The following PLCE1 variants were observed in gnomAD, a reference collection of about 807,000 sequenced individuals.
PLCE1 encodes 1-phosphatidylinositol 4,5-bisphosphate phosphodiesterase epsilon-1.
PLCE1 carries 119 observed loss-of-function variants against 242.8 expected under a neutral mutation model. The observed-to-expected ratio is 0.49, with a 90% CI of 0.42 to 0.57. The LOEUF is 0.57. Ranked by LOEUF, PLCE1 falls within the 20% of genes least tolerant of loss-of-function variation. The pLI is 0.00. For synonymous variants in PLCE1, 945 were observed against 1,017.4 expected (o/e 0.93, Z 1.35); for missense variants, 2,441 against 2,788.8 (o/e 0.88, Z 2.81).
At chr10:94,144,424 C>G (rs775989136) in intron 3 of PLCE1, among the ~76,000 whole-genome samples, 6 of 152,058 alleles carry the variant, frequency 3.9e-5, no homozygotes, top group Non-Finnish European at 5.9e-5. Context: ...GCCCCCTTGC[C>G]CTAGAGACCT....
intron 2 of PLCE1, among the ~76,000 whole-genome samples, chr10:94,075,725 T>C (rs2044480324): frequency 6.6e-6 from 1 of 152,180 alleles, no homozygotes; most frequent in Non-Finnish European, 1.5e-5. Context: ...TCTTCCTGAG[T>C]GAACTGGGAA....
chr10:94,158,854 CTT>C (rs35760715), intron 3 of PLCE1, among the ~76,000 whole-genome samples: 24 of 111,572 alleles, frequency 2.2e-4, no homozygotes, highest in Non-Finnish European at 3.2e-4. Flanking sequence ...TCTTCTTTTT[CTT>C]TTTTTTTTTT....
chr10:94,165,632 G>A (rs191602800), intron 3 of PLCE1, among the ~76,000 whole-genome samples: 3 of 151,876 alleles, frequency 2.0e-5, no homozygotes, highest in Admixed American at 6.6e-5. Context: ...AATCTGAACA[G>A]GCCAAAAAAA....
intron 3 of PLCE1, among the ~76,000 whole-genome samples, chr10:94,165,598 G>C (rs552800526): frequency 7.9e-5 from 12 of 152,178 alleles, no homozygotes; most frequent in Admixed American, 2.0e-4. Context: ...CAAAAAAACA[G>C]TATTACCATA....
At chr10:94,274,455 G>A (rs1304015187) in intron 19 of PLCE1, among the ~76,000 whole-genome samples, 2 of 152,130 alleles carry the variant, frequency 1.3e-5, no homozygotes, top group South Asian at 2.1e-4. Context: ...ACAAACATCC[G>A]AACCTGCATA....
intron 2 of PLCE1, among the ~76,000 whole-genome samples, chr10:94,034,223 A>C (rs138191736): frequency 1.3e-5 from 2 of 152,186 alleles, no homozygotes; most frequent in African/African-American, 4.8e-5. Context: ...CCTGCCCTTG[A>C]CACATGGAGA....
chr10:94,023,849 G>C (rs2061415982), intron 1 of PLCE1, among the ~76,000 whole-genome samples: 1 of 152,038 alleles, frequency 6.6e-6, no homozygotes, highest in South Asian at 2.1e-4. Context: ...TCCAGACTCA[G>C]AAACTTTTCT....
intron 2 of PLCE1, among the ~76,000 whole-genome samples, chr10:94,077,864 T>C (rs1209431756): frequency 6.6e-6 from 1 of 152,188 alleles, no homozygotes; most frequent in East Asian, 1.9e-4. Flanking sequence ...AGATACAAAA[T>C]TAAAATATCT....
In PLCE1 at chr10:94,279,772, T is replaced by G. The variant is rs754319938; in HGVS notation, c.4666-10T>G. ...GGCATCTGCAGTTTACAATTATTGC[T>G]ATTTTACAGGCTCATCAGTTAGCAT... On this transcript the variant is annotated splice_polypyrimidine_tract_variant and intron_variant, in intron 19 of 32. Transcript: ENST00000371380. The G allele has an allele frequency of 6.2e-7, 1 of 1,613,664 alleles. No homozygotes were observed. Among genetic ancestry groups the G allele is most frequent in the Non-Finnish European group, 8.5e-7 (1 of 1,179,658 alleles).
rs565759302 is a variant in PLCE1 at position 94,218,969 on chromosome 10, ATAAT to A, written c.1810-8330_1810-8327del. Among the ~76,000 whole-genome samples, 405 of 147,668 alleles carry A rather than the reference ATAAT, an allele frequency of 2.7e-3. 1 individual carries two copies. Among genetic ancestry groups the A allele is most frequent in the Non-Finnish European group, 4.6e-3 (310 of 67,020 alleles). On this transcript the variant is annotated intron_variant, in intron 4 of 32. Coordinates refer to ENST00000371380, the MANE Select transcript of PLCE1 (RefSeq NM_016341.4). ...TTATATAATTAAATATAATTAAAAT[ATAAT>A]TAATTATAGTTATATATAAATAATT...
intron 1 of PLCE1, among the ~76,000 whole-genome samples, chr10:94,015,930 G>A (rs947112236): frequency 6.6e-6 from 1 of 152,128 alleles, no homozygotes; most frequent in Non-Finnish European, 1.5e-5. Flanking sequence ...TTTTTACTTG[G>A]TACCTACCAC....
intron 19 of PLCE1, 136 bp from the exon 20 acceptor site, chr10:94,279,646 T>C: frequency 1.1e-6 from 1 of 899,592 alleles, no homozygotes; most frequent in Non-Finnish European, 1.8e-6. Flanking sequence ...TCTAGATTTT[T>C]TTCTCCTCTC....
chr10:94,051,189 C>T lies in PLCE1; in HGVS notation c.1206+18937C>T, dbSNP rs754224667. Among the ~76,000 whole-genome samples, 15 of 144,026 alleles carry T rather than the reference C, an allele frequency of 1.0e-4. 1 individual carries two copies. Among genetic ancestry groups the T allele is most frequent in the Non-Finnish European group, 1.9e-4 (13 of 66,800 alleles). The allele number at this position is 144,026 out of a possible 152,430, so 94.5% of individuals were successfully genotyped here. A position where few individuals can be genotyped will look rare whatever the true frequency, so the allele number is the denominator to read the frequency against. On this transcript the variant is annotated intron_variant, in intron 2 of 32. Transcript: ENST00000371380. ...ACCAATGGGACAAGATATCTGAATA[C>T]ACTGAATTAGAAAATGTTAAGATAA... is the stretch of plus-strand genomic sequence containing the variant.
intron 3 of PLCE1, among the ~76,000 whole-genome samples, chr10:94,162,703 G>T (rs1352552410): frequency 6.6e-6 from 1 of 152,090 alleles, no homozygotes; most frequent in Non-Finnish European, 1.5e-5. Flanking sequence ...GCTAGCTTTT[G>T]AATGTGTTCG....
chr10:94,171,642 C>A, intron 4 of PLCE1, 146 bp downstream of exon 4: 1 of 733,734 alleles, frequency 1.4e-6, no homozygotes. Flanking sequence ...TCTTTCCAGG[C>A]AAAGAGACAG....
chr10:94,230,573 C>G (rs1454801763), intron 5 of PLCE1, among the ~76,000 whole-genome samples: 1 of 151,844 alleles, frequency 6.6e-6, no homozygotes, highest in Non-Finnish European at 1.5e-5. Context: ...GATCCACACG[C>G]CTCAGCCTCC....
chr10:94,307,830 A>G (rs1449317786), intron 26 of PLCE1, among the ~76,000 whole-genome samples: 1 of 152,214 alleles, frequency 6.6e-6, no homozygotes, highest in African/African-American at 2.4e-5. Flanking sequence ...ACTTCTACAC[A>G]AGAATGGGGA....
chr10:94,203,200 G>A (rs557767119), intron 4 of PLCE1, among the ~76,000 whole-genome samples: 19 of 152,274 alleles, frequency 1.2e-4, no homozygotes, highest in Admixed American at 3.9e-4. Context: ...TGCCTCCAAA[G>A]CACCTATACA....
At chr10:94,085,238 G>C (rs112232328) in intron 2 of PLCE1, among the ~76,000 whole-genome samples, 2,513 of 152,212 alleles carry the variant, frequency 0.017, 32 homozygotes, top group Non-Finnish European at 0.027. Flanking sequence ...TTTGGCTTTG[G>C]GGGTCCTAGT....
Sources: gnomAD v4.1 joint callset for allele counts (sites outside exome capture counted in the v4.1 genomes callset) on GRCh38, gnomAD v4.1.1 for gene constraint, MANE v1.5 for transcripts, NCBI Gene and HGNC (gene_info 2026-07-23, HGNC 2026-07-21) for gene names.